SHROOM3: variants seen among roughly 807,000 people sequenced by gnomAD.
The protein encoded by SHROOM3 is shroom family member 3, also known as protein Shroom3.
A neutral mutation model predicts 138.6 loss-of-function variants in SHROOM3; 47 were observed. The observed-to-expected ratio is 0.34, with a 90% confidence interval of 0.27 to 0.43. The LOEUF is 0.43. Ranked by LOEUF, SHROOM3 falls within the 20% of genes least tolerant of loss-of-function variation. SHROOM3 has a pLI of 1.00. For synonymous variants in SHROOM3, 1,062 were observed against 1,063.3 expected, an observed-to-expected ratio of 1.00 and a Z score of 0.02; for missense variants, 2,491 against 2,596.5, an observed-to-expected ratio of 0.96 and a Z score of 0.88.
rs186203635 is a variant in SHROOM3 at position 76,664,844 on chromosome 4, G to A, written c.324-45312G>A. ...TCCCTCTTCCACAGCCTCTGGTTGC[G>A]CCTTGGTTTTAAAGGCTTCCAGGTG... On this transcript the variant is annotated intron_variant, in intron 2 of 10. Transcript: ENST00000296043. The surrounding 1 kb of genome is among the most constrained non-coding windows in gnomAD (Gnocchi z 4.2). Among the ~76,000 whole-genome samples the A allele has an allele frequency of 5.5e-4, 84 of 152,142 alleles. No individual in the cohort carries two copies. Among genetic ancestry groups the A allele is most frequent in the African/African-American group, 1.9e-3 (78 of 41,512 alleles).
intron 2 of SHROOM3, among the ~76,000 whole-genome samples, chr4:76,649,212 C>A (rs889315805): frequency 6.6e-6 from 1 of 152,122 alleles, no homozygotes; most frequent in African/African-American, 2.4e-5. Flanking sequence ...GATATGGTTT[C>A]TTCTTAGAAG....
intron 5 of SHROOM3, among the ~76,000 whole-genome samples, chr4:76,748,708 GT>G (rs1721525228): frequency 6.7e-6 from 1 of 149,880 alleles, no homozygotes; most frequent in South Asian, 2.1e-4. Flanking sequence ...TTTAGCAGTT[GT>G]TTTGAACTCC....
chr4:76,532,196 T>C (rs963242242), intron 1 of SHROOM3: 5 of 152,204 alleles, frequency 3.3e-5, no homozygotes, highest in African/African-American at 1.2e-4. Flanking sequence ...CTGAGAATGA[T>C]GGTTTCCAGC....
At chr4:76,648,656 C>T (rs985779883) in intron 2 of SHROOM3, among the ~76,000 whole-genome samples, 1 of 152,160 alleles carries the variant, frequency 6.6e-6, no homozygotes, top group African/African-American at 2.4e-5. Context: ...GATCCAGATT[C>T]GGTTTTGTAT....
At chr4:76,458,176 A>T (rs973775600) in intron 1 of SHROOM3, among the ~76,000 whole-genome samples, 6 of 152,216 alleles carry the variant, frequency 3.9e-5, no homozygotes, top group African/African-American at 1.4e-4. Flanking sequence ...ACATGGAAAG[A>T]TATTATATAT....
rs1719412102 is a variant in SHROOM3, at chr4:76,688,869, C to A, written c.324-21287C>A. 4 of 984,816 alleles carry A rather than the reference C, an allele frequency of 4.1e-6. No homozygotes were observed. The African/African-American group carries it at 5.3e-5, about 13-fold the overall frequency. The allele number at this position is 984,816 out of a possible 1,614,324, so 61.0% of individuals were successfully genotyped here. ...AACAGGCCCGGAAGGAAGGCTTCAGCGGCATTCACCACCACCTGCATCTCT... is the reference window on the plus strand; with the variant it reads ...AACAGGCCCGGAAGGAAGGCTTCAGAGGCATTCACCACCACCTGCATCTCT... On this transcript the variant is annotated intron_variant, in intron 2 of 10. Transcript: ENST00000296043.
intron 2 of SHROOM3, among the ~76,000 whole-genome samples, chr4:76,576,055 G>C (rs148678399): frequency 7.9e-5 from 12 of 152,270 alleles, no homozygotes; most frequent in African/African-American, 2.9e-4. Context: ...TGGTAGGAAT[G>C]CAAATTAGTA....
intron 1 of SHROOM3, among the ~76,000 whole-genome samples, chr4:76,545,345 C>T (rs913005937): frequency 3.3e-5 from 5 of 152,176 alleles, no homozygotes; most frequent in Non-Finnish European, 5.9e-5. Flanking sequence ...TGGTCAGCTC[C>T]TTCCTCCCAG....
At chr4:76,589,580 G>A (rs1734223101) in intron 2 of SHROOM3, among the ~76,000 whole-genome samples, 1 of 152,140 alleles carries the variant, frequency 6.6e-6, no homozygotes, top group South Asian at 2.1e-4. Context: ...GAATGTAAAT[G>A]AGCCCCACCC....
rs2110134098 is a variant in SHROOM3 at position 76,740,348 on chromosome 4, C to T, written c.2175C>T (p.Pro725=). The part of the protein sequence containing the change: ...HLDRQVSYPR[P]EGRTGASASF... ...ACCGGCAGGTTTCCTACCCGCGGCC[C>T]GAGGGGAGGACCGGTGCCTCGGCTT... The change falls in exon 5 of 11, where the codon CCC becomes CCT. Residue 725 remains proline, a synonymous_variant. Coordinates refer to ENST00000296043, the MANE Select transcript of SHROOM3 (RefSeq NM_020859.4). The surrounding 1 kb of genome is among the most constrained non-coding windows in gnomAD (Gnocchi z 4.0). 1 of 1,613,066 alleles carries T rather than the reference C, an allele frequency of 6.2e-7. No homozygotes were observed. Among genetic ancestry groups the T allele is most frequent in the Non-Finnish European group, 8.5e-7 (1 of 1,180,020 alleles).
intron 1 of SHROOM3, among the ~76,000 whole-genome samples, chr4:76,509,969 A>G (rs1732298786): frequency 6.6e-6 from 1 of 152,164 alleles, no homozygotes; most frequent in Non-Finnish European, 1.5e-5. Flanking sequence ...GGCAAAATTG[A>G]GCAAATATGA....
At chr4:76,777,675 G>T (rs911874551) in intron 10 of SHROOM3, among the ~76,000 whole-genome samples, 1 of 152,156 alleles carries the variant, frequency 6.6e-6, no homozygotes, top group African/African-American at 2.4e-5. Context: ...TCTTGTTCCA[G>T]TTCTCAGGGG....
chr4:76,709,573 G>C (rs1301137951), intron 2 of SHROOM3, among the ~76,000 whole-genome samples: 3 of 152,154 alleles, frequency 2.0e-5, no homozygotes, highest in Non-Finnish European at 1.5e-5. Context: ...GGGGGTGGGA[G>C]GGTGGATTTA....
chr4:76,578,788 T>A (rs1577897433), intron 2 of SHROOM3, among the ~76,000 whole-genome samples: 1 of 152,232 alleles, frequency 6.6e-6, no homozygotes, highest in African/African-American at 2.4e-5. Context: ...TAAACATTTT[T>A]AAATGATTTG....
At chr4:76,752,327 G>A (rs1246616303) in intron 6 of SHROOM3, among the ~76,000 whole-genome samples, 1 of 152,116 alleles carries the variant, frequency 6.6e-6, no homozygotes, top group Non-Finnish European at 1.5e-5. Flanking sequence ...TATTTAGTGG[G>A]TACATAGTTT....
At chr4:76,726,189 C>T (rs937059165) in intron 3 of SHROOM3, among the ~76,000 whole-genome samples, 1 of 152,090 alleles carries the variant, frequency 6.6e-6, no homozygotes, top group African/African-American at 2.4e-5. Context: ...CCTCCTCACT[C>T]TCCCCACTAG....
intron 2 of SHROOM3, among the ~76,000 whole-genome samples, chr4:76,660,891 C>T (rs1166967366): frequency 6.6e-6 from 1 of 152,166 alleles, no homozygotes; most frequent in Admixed American, 6.5e-5. Flanking sequence ...CAGCCCTGAA[C>T]TGGTCTCAAG....
At chr4:76,705,564 G>A (rs533249427) in intron 2 of SHROOM3, among the ~76,000 whole-genome samples, 38 of 152,268 alleles carry the variant, frequency 2.5e-4, no homozygotes, top group African/African-American at 8.9e-4. Context: ...ATGAATATTG[G>A]GTGGCAGGCA....
intron 1 of SHROOM3, among the ~76,000 whole-genome samples, chr4:76,494,884 T>C (rs1339092906): frequency 6.6e-6 from 1 of 152,206 alleles, no homozygotes; most frequent in African/African-American, 2.4e-5. Context: ...TTGTCATCTA[T>C]GCAACATAAT....
Sources: allele counts gnomAD v4.1 joint callset (sites outside exome capture counted in the v4.1 genomes callset), GRCh38; gene constraint gnomAD v4.1.1; non-coding constraint Gnocchi (gnomAD v3.1); transcripts MANE v1.5; gene names NCBI Gene and HGNC (gene_info 2026-07-23, HGNC 2026-07-21).